RYR1: variants seen among roughly 807,000 people sequenced by gnomAD.
RYR1 encodes the protein ryanodine receptor 1.
RYR1 carries 342 observed loss-of-function variants against 583.5 expected under a neutral mutation model. The observed-to-expected ratio is 0.59, with a 90% CI of 0.54 to 0.64. The LOEUF (loss-of-function observed/expected upper bound fraction) is 0.64, where lower values mean the gene tolerates loss of function less well. RYR1 is among the 30% of genes least tolerant of loss of function. RYR1 has a pLI of 0.00. For synonymous variants in RYR1, 2,791 were observed against 2,822.5 expected (o/e 0.99, Z 0.35); for missense variants, 6,032 against 6,917.2 (o/e 0.87, Z 4.54).
intron 99 of RYR1, 125 bp from the exon 100 acceptor site, chr19:38,579,857 A>G (rs1974119282): frequency 1.7e-6 from 2 of 1,207,506 alleles, no homozygotes. Context: ...TCCTCCATGT[A>G]CTCCCCAAAC....
chr19:38,507,673 G>A lies in RYR1; in HGVS notation c.8817-39G>A, dbSNP rs749791623. The stretch of plus-strand genomic sequence containing the variant: ...GAGAAGGGTGGGAAACTGTAGGGCC[G>A]GCGTCTGGGCTGATCCTTCTCTCCA... On this transcript the variant is annotated intron_variant, in intron 57 of 105. Transcript: ENST00000359596. 5 of 1,292,234 alleles carry A rather than the reference G, an allele frequency of 3.9e-6. No individual in the cohort carries two copies. The Admixed American group carries it at 5.0e-5, about 13-fold the overall frequency. 80.0% of individuals were successfully genotyped at this position (1,292,234 alleles called of 1,614,324 possible).
intron 23 of RYR1, among the ~76,000 whole-genome samples, 171 bp downstream of exon 23, chr19:38,464,893 C>T (rs749263879): frequency 1.6e-4 from 25 of 151,706 alleles, no homozygotes; most frequent in Non-Finnish European, 3.2e-4. Flanking sequence ...AGGTGAATGT[C>T]CAGGATTGAG....
At position 38,550,910 on chromosome 19, in the gene RYR1, C is replaced by T. The variant is rs193159094; in HGVS notation, c.12282+2490C>T. Among the ~76,000 whole-genome samples the T allele has an allele frequency of 4.3e-3, 657 of 151,884 alleles. 5 individuals are homozygous for T. Among genetic ancestry groups the T allele is most frequent in the African/African-American group, 0.015 (618 of 41,422 alleles). ...ACAAATGGTGGTTTTCTCATTTCGCCGTATGCTTTACCATCACTAGGCACC... is the reference window on the plus strand; with the variant it reads ...ACAAATGGTGGTTTTCTCATTTCGCTGTATGCTTTACCATCACTAGGCACC... On this transcript the variant is annotated intron_variant, in intron 89 of 105. Transcript: ENST00000359596.
intron 12 of RYR1, 91 bp from the exon 13 acceptor site, chr19:38,452,728 C>G (rs1967142174): frequency 1.7e-6 from 2 of 1,206,788 alleles, no homozygotes; most frequent in East Asian, 5.1e-5. Flanking sequence ...ACGGGTGGGT[C>G]TGGGGGAGTC....
At chr19:38,441,014 G>A (rs1972650711) in intron 2 of RYR1, 150 bp downstream of exon 2, 2 of 660,428 alleles carry the variant, frequency 3.0e-6, no homozygotes, top group Non-Finnish European at 4.9e-6. Flanking sequence ...GGGGCTACCT[G>A]AGGTGGGGAG....
chr19:38,535,927 G>A, intron 81 of RYR1, 70 bp from the exon 82 acceptor site: 2 of 1,421,942 alleles, frequency 1.4e-6, no homozygotes, highest in East Asian at 2.3e-5. Flanking sequence ...GTGGGGAGCT[G>A]CCAGGCCCTG....
At chr19:38,544,679 A>T (rs993786716) in intron 87 of RYR1, among the ~76,000 whole-genome samples, 1 of 152,156 alleles carries the variant, frequency 6.6e-6, no homozygotes, top group Non-Finnish European at 1.5e-5. Flanking sequence ...ATTCGTTGTC[A>T]TCTGACTTTT....
rs1320450532 is a variant in RYR1 at position 38,507,741 on chromosome 19, C to A, written c.8846C>A (p.Ser2949Tyr). 1.2e-6 allele frequency: 2 copies of A among 1,613,438 alleles called. No individual in the cohort carries two copies. Among genetic ancestry groups the A allele is most frequent in the Non-Finnish European group, 8.5e-7 (1 of 1,179,376 alleles). ...RGLKDMELDS[S>Y]SIEKRFAFGF... ...CTTAAGGACATGGAACTGGACTCGT[C>A]TTCCATTGAAAAGCGGTTTGCCTTT... The change falls in exon 58 of 106, where the codon TCT (serine) becomes TAT (tyrosine). Residue 2949 changes from serine (S) to tyrosine (Y), a missense_variant. Transcript: ENST00000359596.
At chr19:38,467,934 T>G (rs746488421) in intron 25 of RYR1, 122 bp downstream of exon 25, 223 of 820,492 alleles carry the variant, frequency 2.7e-4, no homozygotes, top group Non-Finnish European at 4.1e-4. Flanking sequence ...ACTGTACCAC[T>G]CATCCACCCA....
chr19:38,475,646 A>G (rs1968683251), intron 29 of RYR1, among the ~76,000 whole-genome samples, 196 bp downstream of exon 29: 1 of 152,220 alleles, frequency 6.6e-6, no homozygotes, highest in Non-Finnish European at 1.5e-5. Context: ...GCTATGGCCC[A>G]CAAACGGCAG....
intron 49 of RYR1, 25 bp downstream of exon 49, chr19:38,502,995 C>T (rs942928972): frequency 2.5e-6 from 4 of 1,603,666 alleles, no homozygotes; most frequent in African/African-American, 1.3e-5. Flanking sequence ...TCTTTAGCAT[C>T]TCATTTCCAG....
Position 38,486,040 on chromosome 19 carries a change from GGCCCGCCTCAGCCCT to G in RYR1, c.5389_5403del (p.Arg1797_Ala1801del). 6.2e-7 allele frequency: 1 copy of G among 1,612,784 alleles called. No homozygotes were observed. The highest frequency in any genetic ancestry group is 8.5e-7 in the Non-Finnish European group (1 of 1,179,626). Reference sequence around the variant, plus strand: ...CAGCTGCTGGGGCAGCAGAGGCCCCGGCCCGCCTCAGCCCTGCCATCCCGCTGGAGGCCCTGCGGG... The same window carrying G: ...CAGCTGCTGGGGCAGCAGAGGCCCCGGCCATCCCGCTGGAGGCCCTGCGGG... On this transcript the variant is annotated inframe_deletion, in exon 34 of 106. Transcript: ENST00000359596.
At position 38,490,083 on chromosome 19, in the gene RYR1, A is replaced by C. The variant is rs771443717; in HGVS notation, c.5822A>C (p.His1941Pro). Residue 1941 changes from histidine to proline, a missense_variant, in exon 36 of 106, where the codon CAC becomes CCC. Around this residue, in one of 11 missense-constraint regions of RYR1, gnomAD observed 2,627 missense variants for 2,961.3 expected, o/e 0.89. Transcript: ENST00000359596. ...ACGGCTGTCCTTCCACAGATGTGCCACCTGCTGGAGTATTTCTGTGACCAA... is the reference window on the plus strand; with the variant it reads ...ACGGCTGTCCTTCCACAGATGTGCCCCCTGCTGGAGTATTTCTGTGACCAA... ...LPESVKLQMC[H>P]LLEYFCDQEL... 1 of 1,613,972 alleles carries C rather than the reference A, an allele frequency of 6.2e-7. No individual in the cohort carries two copies. Among genetic ancestry groups the C allele is most frequent in the South Asian group, 1.1e-5 (1 of 91,076 alleles).
At chr19:38,509,447 A>ATTTTTTTTTTTT (rs1439875376) in intron 58 of RYR1, among the ~76,000 whole-genome samples, 2 of 120,968 alleles carry the variant, frequency 1.7e-5, no homozygotes, top group Admixed American at 8.4e-5. Flanking sequence ...TATTATTATT[A>ATTTTTTTTTTTT]TTATTTTTTT....
intron 93 of RYR1, among the ~76,000 whole-genome samples, chr19:38,569,201 G>A (rs1342170145): frequency 2.0e-5 from 3 of 152,124 alleles, no homozygotes; most frequent in South Asian, 2.1e-4. Context: ...TAGTAGAAAC[G>A]GGGTTTCACC....
At chr19:38,510,945 T>C (rs114649950) in intron 60 of RYR1, among the ~76,000 whole-genome samples, 164 bp downstream of exon 60, 1 of 152,274 alleles carries the variant, frequency 6.6e-6, no homozygotes, top group African/African-American at 2.4e-5. Context: ...ACTGAAGGGT[T>C]TCCCAGGATG....
chr19:38,548,478 A>G (rs751994913), intron 89 of RYR1, 58 bp downstream of exon 89: 2 of 1,555,342 alleles, frequency 1.3e-6, no homozygotes, highest in Non-Finnish European at 1.8e-6. Flanking sequence ...AGGGCCAGCC[A>G]TACCCTTCTG....
chr19:38,508,484 T>G (rs1970581996), intron 58 of RYR1, among the ~76,000 whole-genome samples: 1 of 152,192 alleles, frequency 6.6e-6, no homozygotes, highest in African/African-American at 2.4e-5. Flanking sequence ...GTGCTGGGAT[T>G]AAAGGCGTGA....
chr19:38,473,536 C>G lies in RYR1; in HGVS notation c.3925C>G (p.Leu1309Val). 6.2e-7 allele frequency: 1 copy of G among 1,607,878 alleles called. No individual in the cohort carries two copies. The highest frequency in any genetic ancestry group is 8.5e-7 in the Non-Finnish European group (1 of 1,177,804). ...CCGCTGCACTGCAGGGGCCACCCCG[C>G]TGGCACCTCCTGGCCTGCAGCCCCC... is the stretch of plus-strand genomic sequence containing the variant. ...HFRCTAGATP[L>V]APPGLQPPAE... The change falls in exon 28 of 106, where the codon CTG becomes GTG. Residue 1309 changes from leucine (L) to valine (V), a missense_variant. Around this residue, in one of 11 missense-constraint regions of RYR1, gnomAD observed 2,627 missense variants for 2,961.3 expected, o/e 0.89. Coordinates refer to ENST00000359596, the MANE Select transcript of RYR1 (RefSeq NM_000540.3).
Sources: allele counts gnomAD v4.1 joint callset (sites outside exome capture counted in the v4.1 genomes callset), GRCh38; gene constraint gnomAD v4.1.1; regional missense constraint gnomAD v4.1.1; transcripts MANE v1.5; gene names NCBI Gene and HGNC (gene_info 2026-07-23, HGNC 2026-07-21).